ASTN1: variants seen among roughly 807,000 people sequenced by gnomAD.
The protein encoded by ASTN1 is astrotactin-1.
In ASTN1, 41 loss-of-function variants were observed where a neutral mutation model predicts 140.7. The ratio of observed to expected loss-of-function variants is 0.29; its 90% CI spans 0.23 to 0.38. The LOEUF is 0.38. Among genes scored for constraint, ASTN1 ranks in the 10% least tolerant of loss-of-function variants. ASTN1 has a pLI of 1.00. For missense variants in ASTN1, 1,479 were observed against 1,678.8 expected (o/e 0.88, Z 2.08); for synonymous variants, 640 against 652.2 (o/e 0.98, Z 0.29).
intron 1 of ASTN1, among the ~76,000 whole-genome samples, chr1:177,161,828 T>C (rs540495745): frequency 1.3e-5 from 2 of 152,314 alleles, no homozygotes; most frequent in East Asian, 3.9e-4. Flanking sequence ...TACCATGGAA[T>C]CTGCTCTTGT....
At chr1:176,897,801 C>T (rs1344206383) in intron 16 of ASTN1, among the ~76,000 whole-genome samples, 1 of 152,024 alleles carries the variant, frequency 6.6e-6, no homozygotes, top group Non-Finnish European at 1.5e-5. Flanking sequence ...GGAAAATAAC[C>T]CCTACCCCCA....
intron 8 of ASTN1, among the ~76,000 whole-genome samples, chr1:176,977,819 C>T (rs1673429881): frequency 6.6e-6 from 1 of 152,156 alleles, no homozygotes. Context: ...ACACCAGAAC[C>T]CTGGCAAAGA....
At chr1:177,084,532 A>G (rs1679332562) in intron 1 of ASTN1, among the ~76,000 whole-genome samples, 1 of 152,158 alleles carries the variant, frequency 6.6e-6, no homozygotes, top group Non-Finnish European at 1.5e-5. Context: ...CTTGTTTTTG[A>G]CTTCAAGATT....
At chr1:176,979,907 A>G (rs1673532897) in intron 8 of ASTN1, among the ~76,000 whole-genome samples, 4 of 152,202 alleles carry the variant, frequency 2.6e-5, no homozygotes, top group African/African-American at 9.6e-5. Context: ...TAAACTTTCA[A>G]GGTAATAATT....
intron 22 of ASTN1, 139 bp downstream of exon 22, chr1:176,868,705 C>G: frequency 1.1e-6 from 1 of 917,938 alleles, no homozygotes; most frequent in Non-Finnish European, 1.6e-6. Flanking sequence ...ACTGAACTGT[C>G]TTAAATCAGA....
chr1:177,036,800 G>C (rs1247874228), intron 2 of ASTN1, among the ~76,000 whole-genome samples: 1 of 151,928 alleles, frequency 6.6e-6, no homozygotes, highest in East Asian at 1.9e-4. Flanking sequence ...CATAGGTCTT[G>C]GATAATTTCT....
At chr1:176,936,234 A>G (rs763481266) in intron 15 of ASTN1, 32 bp downstream of exon 15, 2 of 1,577,696 alleles carry the variant, frequency 1.3e-6, no homozygotes, top group Non-Finnish European at 1.7e-6. Context: ...GTTCCAGGGA[A>G]GGTGGGCAGG....
chr1:176,911,115 G>T (rs1179323542), intron 16 of ASTN1, among the ~76,000 whole-genome samples: 1 of 152,182 alleles, frequency 6.6e-6, no homozygotes, highest in Non-Finnish European at 1.5e-5. Flanking sequence ...ACACATGTAA[G>T]TATTTGTATG....
At chr1:176,934,985 G>T (rs1187077792) in intron 15 of ASTN1, among the ~76,000 whole-genome samples, 2 of 152,088 alleles carry the variant, frequency 1.3e-5, no homozygotes, top group Admixed American at 1.3e-4. Flanking sequence ...TAAAAGGACT[G>T]GGAAATGACA....
At chr1:177,113,688 C>T (rs886754090) in intron 1 of ASTN1, among the ~76,000 whole-genome samples, 2 of 152,176 alleles carry the variant, frequency 1.3e-5, no homozygotes, top group Non-Finnish European at 2.9e-5. Context: ...GCCCAGATTG[C>T]CAGTTTTGGG....
At chr1:177,103,678 A>G (rs930826486) in intron 1 of ASTN1, among the ~76,000 whole-genome samples, 1 of 152,184 alleles carries the variant, frequency 6.6e-6, no homozygotes, top group Non-Finnish European at 1.5e-5. Context: ...TCTGGTGTCA[A>G]GCAGAAGTGA....
At chr1:176,971,155 T>C (rs1330539824) in intron 8 of ASTN1, among the ~76,000 whole-genome samples, 4 of 152,184 alleles carry the variant, frequency 2.6e-5, no homozygotes, top group Non-Finnish European at 4.4e-5. Context: ...GAATAGAAGC[T>C]CATTTTAAAA....
intron 2 of ASTN1, among the ~76,000 whole-genome samples, chr1:177,049,075 C>T (rs1677396057): frequency 6.6e-6 from 1 of 152,168 alleles, no homozygotes; most frequent in South Asian, 2.1e-4. Flanking sequence ...AGCAGAGTTG[C>T]TGCAGGGAAT....
intron 8 of ASTN1, among the ~76,000 whole-genome samples, chr1:177,011,516 G>A (rs1281206139): frequency 7.2e-5 from 11 of 151,904 alleles, no homozygotes; most frequent in Non-Finnish European, 7.4e-5. Context: ...AAATGATGGA[G>A]TGGTGAGAGA....
chr1:177,049,029 G>A (rs540229506), intron 2 of ASTN1, among the ~76,000 whole-genome samples: 3 of 152,308 alleles, frequency 2.0e-5, no homozygotes, highest in East Asian at 3.9e-4. Flanking sequence ...ACTGCCCATA[G>A]ACCATCACCT....
At chr1:176,894,920 C>T (rs1256741973) in intron 16 of ASTN1, 90 bp from the exon 17 acceptor site, 21 of 1,538,642 alleles carry the variant, frequency 1.4e-5, no homozygotes, top group Non-Finnish European at 3.5e-6. Flanking sequence ...GGGGTCCAAT[C>T]TTTGGGATCA....
At chr1:177,046,042 T>C (rs1269246770) in intron 2 of ASTN1, among the ~76,000 whole-genome samples, 1 of 152,196 alleles carries the variant, frequency 6.6e-6, no homozygotes, top group Non-Finnish European at 1.5e-5. Flanking sequence ...CTTCTTAACT[T>C]CATTCTATAA....
Position 176,888,165 on chromosome 1 carries a change from C to T in ASTN1, c.2980G>A (p.Gly994Arg). 1.2e-6 allele frequency: 2 copies of T among 1,614,122 alleles called. No homozygotes were observed. Among genetic ancestry groups the T allele is most frequent in the East Asian group, 2.2e-5 (1 of 44,874 alleles). The change falls in exon 18 of 23, where the codon GGG becomes AGG. Residue 994 changes from glycine to arginine, a missense_variant. Physicochemically the swap from Gly to Arg is moderately radical, Grantham distance 125 (BLOSUM62 -2). Transcript: ENST00000361833. ...EATMSSLWCS[G>R]TGDVIEDWCR... ...CAGTCCTCGATGACATCTCCAGTCC[C>T]TGAGCACCAGAGAGAGCTCATGGTA...
rs146791378 is a variant in ASTN1, at chr1:176,996,261, CCTCT to C, written c.1523+18526_1523+18529del. ...GCAAGTAAGAGACAGAGTCATATAT[CCTCT>C]CTCTCTCTCTCTCTCTCTCTCTCTC... On this transcript the variant is annotated intron_variant, in intron 8 of 22. Transcript: ENST00000361833. Among the ~76,000 whole-genome samples, 532 of 140,850 alleles carry C rather than the reference CCTCT, an allele frequency of 3.8e-3. 3 individuals carry two copies. The highest frequency in any genetic ancestry group is 0.011 in the African/African-American group (417 of 36,466). 92.4% of individuals were successfully genotyped at this position (140,850 alleles called of 152,430 possible). A position where few individuals can be genotyped will look rare whatever the true frequency, so the allele number is the denominator to read the frequency against.
Sources: allele counts gnomAD v4.1 joint callset (sites outside exome capture counted in the v4.1 genomes callset), GRCh38; gene constraint gnomAD v4.1.1; transcripts MANE v1.5; gene names NCBI Gene and HGNC (gene_info 2026-07-23, HGNC 2026-07-21).